SV2C: variants seen among roughly 807,000 people sequenced by gnomAD.
The protein encoded by SV2C is solute carrier family 22 member B3.
A neutral mutation model predicts 79.7 loss-of-function variants in SV2C; 49 were observed. That is an observed-to-expected ratio of 0.61 (90% CI 0.49 to 0.78). The LOEUF (loss-of-function observed/expected upper bound fraction) is 0.78, where lower values mean the gene tolerates loss of function less well. Among genes scored for constraint, SV2C ranks in the 30% least tolerant of loss-of-function variants. SV2C has a pLI of 0.00. For synonymous variants in SV2C, 334 were observed against 333.2 expected (o/e 1.00, Z -0.03); for missense variants, 833 against 912.9 (o/e 0.91, Z 1.13).
chr5:76,056,904 G>A, the SV2C span, among the ~76,000 whole-genome samples: 1 of 150,908 alleles, frequency 6.6e-6, no homozygotes, highest in African/African-American at 2.4e-5. Context: ...CTCTTTATTA[G>A]TCTAGCTGGC....
chr5:76,314,156 GTGAA>G (rs113861501), intron 12 of SV2C, among the ~76,000 whole-genome samples: 184 of 152,274 alleles, frequency 1.2e-3, no homozygotes, highest in African/African-American at 4.1e-3. Context: ...ATAACTCTAG[GTGAA>G]TGAATGAATG....
chr5:76,275,204 T>C (rs1395086781), intron 4 of SV2C, among the ~76,000 whole-genome samples: 1 of 152,106 alleles, frequency 6.6e-6, no homozygotes, highest in Non-Finnish European at 1.5e-5. Flanking sequence ...TACAGATCAG[T>C]AGGCCAGGTG....
At chr5:76,001,472 G>T in the SV2C span, among the ~76,000 whole-genome samples, 1 of 151,942 alleles carries the variant, frequency 6.6e-6, no homozygotes, top group East Asian at 1.9e-4. Flanking sequence ...CGTGGTGGTG[G>T]GCACCTGTGG....
intron 2 of SV2C, among the ~76,000 whole-genome samples, chr5:76,143,296 G>C (rs775546518): frequency 5.9e-5 from 9 of 152,168 alleles, no homozygotes; most frequent in South Asian, 2.1e-4. Flanking sequence ...ATGAGACACA[G>C]AGAGACGATA....
At chr5:75,915,223 C>T in the SV2C span, among the ~76,000 whole-genome samples, 1 of 152,090 alleles carries the variant, frequency 6.6e-6, no homozygotes, top group Non-Finnish European at 1.5e-5. Flanking sequence ...AGGCTATTTC[C>T]CTTGCTCAAG....
chr5:76,344,604 G>A (rs528028881), intron 12 of SV2C, among the ~76,000 whole-genome samples: 185 of 152,304 alleles, frequency 1.2e-3, no homozygotes, highest in African/African-American at 4.1e-3. Context: ...AGCTCCTCGG[G>A]AGGCTGAGGT....
At chr5:75,902,136 C>A in the SV2C span, among the ~76,000 whole-genome samples, 2 of 152,278 alleles carry the variant, frequency 1.3e-5, no homozygotes, top group East Asian at 3.9e-4. Flanking sequence ...GTGAGATGAA[C>A]CCGGTACCTC....
intron 4 of SV2C, among the ~76,000 whole-genome samples, chr5:76,265,906 A>G (rs4266386): frequency 0.85 from 129,269 of 152,082 alleles, 55,282 homozygotes; most frequent in Middle Eastern, 0.95. Context: ...GCAGACCAGA[A>G]CTGTTCCTAT....
intron 1 of SV2C, among the ~76,000 whole-genome samples, chr5:76,086,643 T>A (rs1419887371): frequency 6.6e-6 from 1 of 152,196 alleles, no homozygotes; most frequent in Admixed American, 6.5e-5. Flanking sequence ...CCCTGGCATA[T>A]ATAGTTTTGA....
intron 4 of SV2C, among the ~76,000 whole-genome samples, chr5:76,278,034 A>T (rs180838820): frequency 1.9e-4 from 29 of 152,378 alleles, no homozygotes; most frequent in Non-Finnish European, 3.8e-4. Context: ...CTATGAAGAT[A>T]ATACAAACTT....
At chr5:76,043,367 G>A in the SV2C span, among the ~76,000 whole-genome samples, 2 of 152,160 alleles carry the variant, frequency 1.3e-5, no homozygotes, top group African/African-American at 4.8e-5. Flanking sequence ...ATACTGCTCT[G>A]TCTTTCTCAC....
At chr5:76,048,963 AAG>A in the SV2C span, among the ~76,000 whole-genome samples, 74 of 39,336 alleles carry the variant, frequency 1.9e-3, no homozygotes, top group Non-Finnish European at 2.6e-3. Flanking sequence ...GAGAAAGAAA[AAG>A]AGAAAGAAAG....
At chr5:75,854,203 T>C in the SV2C span, among the ~76,000 whole-genome samples, 6 of 152,218 alleles carry the variant, frequency 3.9e-5, no homozygotes, top group Non-Finnish European at 7.4e-5. Flanking sequence ...CACATATATG[T>C]ACTTCATTTC....
intron 4 of SV2C, among the ~76,000 whole-genome samples, chr5:76,277,459 C>T (rs545920862): frequency 3.9e-5 from 6 of 152,186 alleles, no homozygotes; most frequent in African/African-American, 7.2e-5. Flanking sequence ...GCATAAATCT[C>T]GACTGTAACG....
the SV2C span, among the ~76,000 whole-genome samples, chr5:75,919,095 G>A: frequency 6.6e-6 from 1 of 152,190 alleles, no homozygotes; most frequent in Non-Finnish European, 1.5e-5. Context: ...AACTGTAAGT[G>A]AGAATTTAAA....
the SV2C span, among the ~76,000 whole-genome samples, chr5:76,000,256 C>A: frequency 6.6e-6 from 1 of 152,026 alleles, no homozygotes; most frequent in African/African-American, 2.4e-5. Context: ...TCCCAGGTAC[C>A]CACCCCTACA....
the SV2C span, among the ~76,000 whole-genome samples, chr5:76,009,708 G>T: frequency 6.6e-6 from 1 of 152,118 alleles, no homozygotes; most frequent in Non-Finnish European, 1.5e-5. Flanking sequence ...TAAACATTGG[G>T]TACACATGGA....
downstream of SV2C, among the ~76,000 whole-genome samples, chr5:76,336,027 G>A (rs1167844761): frequency 1.4e-5 from 2 of 144,090 alleles, no homozygotes; most frequent in South Asian, 2.2e-4. Context: ...ACCTCCCGGA[G>A]GGGGCGGCTA....
intron 1 of SV2C, among the ~76,000 whole-genome samples, chr5:76,098,843 C>G (rs1026155166): frequency 6.6e-6 from 1 of 152,140 alleles, no homozygotes; most frequent in African/African-American, 2.4e-5. Context: ...TATTTAATAT[C>G]AGGAGAATGA....
Sources: allele counts gnomAD v4.1 joint callset (sites outside exome capture counted in the v4.1 genomes callset), GRCh38; gene constraint gnomAD v4.1.1; transcripts MANE v1.5; gene names NCBI Gene and HGNC (gene_info 2026-07-23, HGNC 2026-07-21).